The following RIC3 variants were observed in gnomAD, a reference collection of about 807,000 sequenced individuals.
RIC3 encodes the protein RIC3 acetylcholine receptor chaperone, also known as protein RIC-3.
A neutral mutation model predicts 27.3 loss-of-function variants in RIC3; 28 were observed. The ratio of observed to expected loss-of-function variants is 1.02; its 90% CI spans 0.76 to 1.41. The LOEUF is 1.41. Among genes scored for constraint, RIC3 ranks in the 40% most tolerant of loss-of-function variants. The pLI, the probability that RIC3 is intolerant of heterozygous loss-of-function variation, is 0.00. For synonymous variants in RIC3, 184 were observed against 160.4 expected (o/e 1.15, Z -1.11); for missense variants, 501 against 444.7 (o/e 1.13, Z -1.14).
Position 8,108,899 on chromosome 11 carries a change from T to C in RIC3, c.*1799A>G, listed in dbSNP as rs896987921. On this transcript the variant is annotated 3_prime_UTR_variant, in exon 6 of 6. Transcript: ENST00000309737. Reference sequence around the variant, plus strand: ...AGGAACCCAGGGCTCTCCTCATGAATCAACCCCTCACAGTGAACGAAGGGA... The same window carrying C: ...AGGAACCCAGGGCTCTCCTCATGAACCAACCCCTCACAGTGAACGAAGGGA... 3 of 152,206 alleles carry C rather than the reference T, an allele frequency of 2.0e-5. No individual in the cohort carries two copies. Among genetic ancestry groups the C allele is most frequent in the Admixed American group, 2.0e-4 (3 of 15,278 alleles). 9.4% of individuals were successfully genotyped at this position (152,206 alleles called of 1,614,324 possible).
At chr11:8,154,912 T>C (rs1238261300) in intron 1 of RIC3, among the ~76,000 whole-genome samples, 1 of 152,168 alleles carries the variant, frequency 6.6e-6, no homozygotes, top group Non-Finnish European at 1.5e-5. Context: ...AAATCCTAAT[T>C]GTTTATTGAA....
At chr11:8,159,668 CA>C (rs762234749) in intron 1 of RIC3, among the ~76,000 whole-genome samples, 63 of 152,184 alleles carry the variant, frequency 4.1e-4, no homozygotes, top group Non-Finnish European at 8.5e-4. Flanking sequence ...ATGACTAAGA[CA>C]TTTAAAAAAA....
chr11:8,165,187 G>A (rs997201565), intron 1 of RIC3, among the ~76,000 whole-genome samples: 4 of 152,112 alleles, frequency 2.6e-5, no homozygotes, highest in Non-Finnish European at 5.9e-5. Flanking sequence ...TTTTCCAAAT[G>A]TATACACTCA....
rs1299855450 is a variant in RIC3 at position 8,140,122 on chromosome 11, G to A, written c.196C>T (p.Arg66Cys). Residue 66 changes from arginine (R) to cysteine (C), a missense_variant, in exon 2 of 6, where the codon CGT becomes TGT. Coordinates refer to ENST00000309737, the MANE Select transcript of RIC3 (RefSeq NM_001206671.4). ...TCGGCAAGGTGAGACCTCTGGAAAC[G>A]AGCCCCAGGAGTCTGGCCATCTGAG... The part of the protein sequence containing the change: ...APSDGQTPGA[R>C]FQRSHLAEAF... 34 of 1,613,958 alleles carry A rather than the reference G, an allele frequency of 2.1e-5. No individual in the cohort carries two copies. Among genetic ancestry groups the A allele is most frequent in the South Asian group, 5.5e-5 (5 of 91,076 alleles).
intron 1 of RIC3, among the ~76,000 whole-genome samples, chr11:8,140,549 A>G (rs1948935976): frequency 6.6e-6 from 1 of 152,164 alleles, no homozygotes; most frequent in South Asian, 2.1e-4. Context: ...CAACTCCGTG[A>G]TCATTTCTTT....
intron 4 of RIC3, among the ~76,000 whole-genome samples, chr11:8,132,657 C>A (rs963696776): frequency 6.6e-6 from 1 of 152,168 alleles, no homozygotes; most frequent in Non-Finnish European, 1.5e-5. Flanking sequence ...TATTTCTGTT[C>A]TTACTTAAGC....
At chr11:8,111,175 TCTC>T in intron 5 of RIC3, 38 bp from the exon 6 acceptor site, 1 of 1,380,006 alleles carries the variant, frequency 7.2e-7, no homozygotes, top group Non-Finnish European at 9.6e-7. Flanking sequence ...ACAAAGAATG[TCTC>T]CTCAAAAAAA....
chr11:8,163,269 A>G (rs1590416123), intron 1 of RIC3, among the ~76,000 whole-genome samples: 1 of 152,060 alleles, frequency 6.6e-6, no homozygotes, highest in East Asian at 1.9e-4. Flanking sequence ...AACACTCAGC[A>G]AACTAAGAAT....
At chr11:8,096,770 C>T in the RIC3 span, 92 of 1,614,120 alleles carry the variant, frequency 5.7e-5, no homozygotes, top group East Asian at 2.1e-3. Flanking sequence ...ATAGTAACAC[C>T]CGCCCCAGCT....
At chr11:8,129,338 C>T (rs1212400933) in intron 4 of RIC3, among the ~76,000 whole-genome samples, 2 of 152,068 alleles carry the variant, frequency 1.3e-5, no homozygotes, top group African/African-American at 4.8e-5. Flanking sequence ...GAAGTTGACC[C>T]AGTATTACAG....
chr11:8,123,050 C>T (rs186920031), intron 5 of RIC3, among the ~76,000 whole-genome samples: 5 of 151,740 alleles, frequency 3.3e-5, no homozygotes, highest in South Asian at 2.1e-4. Flanking sequence ...ATAAAAAAGA[C>T]CCAAATGAAA....
intron 1 of RIC3, among the ~76,000 whole-genome samples, chr11:8,152,289 G>A (rs994665281): frequency 4.6e-5 from 7 of 152,144 alleles, no homozygotes; most frequent in Admixed American, 6.5e-5. Context: ...GTACACAAAT[G>A]TTCACAGCAG....
chr11:8,140,130 G>A lies in RIC3; in HGVS notation c.188C>T (p.Pro63Leu), dbSNP rs1948883709. 1.2e-6 allele frequency: 2 copies of A among 1,614,008 alleles called. No homozygotes were observed. The highest frequency in any genetic ancestry group is 1.7e-6 in the Non-Finnish European group (2 of 1,180,042). The part of the protein sequence containing the change: ...HHQAPSDGQT[P>L]GARFQRSHLA... ...GTGAGACCTCTGGAAACGAGCCCCA[G>A]GAGTCTGGCCATCTGAGGGTGCCTG... The change falls in exon 2 of 6, where the codon CCT becomes CTT. Residue 63 changes from proline (P) to leucine (L), a missense_variant. Transcript: ENST00000309737.
intron 4 of RIC3, among the ~76,000 whole-genome samples, chr11:8,134,995 A>C (rs1430034174): frequency 6.6e-6 from 1 of 152,078 alleles, no homozygotes; most frequent in Non-Finnish European, 1.5e-5. Flanking sequence ...TCTTTAGTTT[A>C]ATTAGATCCC....
intron 1 of RIC3, among the ~76,000 whole-genome samples, chr11:8,154,075 A>G (rs991125082): frequency 2.0e-5 from 3 of 152,208 alleles, no homozygotes; most frequent in African/African-American, 7.2e-5. Context: ...ATTATAAAAC[A>G]TTTGGAAATT....
chr11:8,128,127 C>T (rs1450232770), intron 4 of RIC3: 9 of 452,810 alleles, frequency 2.0e-5, no homozygotes, highest in Non-Finnish European at 3.6e-5. Context: ...TGACTCTCCA[C>T]AACTGCTCGT....
intron 4 of RIC3, among the ~76,000 whole-genome samples, chr11:8,130,767 G>C (rs770959154): frequency 7.0e-5 from 3 of 43,058 alleles, no homozygotes; most frequent in South Asian, 8.3e-4. Context: ...TGTGTGTTGT[G>C]GGGGGGAGAG....
intron 4 of RIC3, among the ~76,000 whole-genome samples, chr11:8,136,016 T>C (rs997723250): frequency 6.6e-6 from 1 of 152,194 alleles, no homozygotes; most frequent in Non-Finnish European, 1.5e-5. Context: ...CACACAGATA[T>C]ATTAATGTAT....
intron 1 of RIC3, among the ~76,000 whole-genome samples, chr11:8,141,975 C>T (rs1278885901): frequency 6.6e-6 from 1 of 150,974 alleles, no homozygotes; most frequent in African/African-American, 2.4e-5. Context: ...TCTTTGAAAC[C>T]AACGAGAACA....
Sources: gnomAD v4.1 joint callset for allele counts (sites outside exome capture counted in the v4.1 genomes callset) on GRCh38, gnomAD v4.1.1 for gene constraint, MANE v1.5 for transcripts, NCBI Gene and HGNC (gene_info 2026-07-23, HGNC 2026-07-21) for gene names.